The following PHLPP1 variants were observed in gnomAD, a reference collection of about 807,000 sequenced individuals.
PHLPP1 encodes the protein PH domain and leucine rich repeat protein phosphatase 1.
A neutral mutation model predicts 117.2 loss-of-function variants in PHLPP1; 42 were observed. The observed-to-expected ratio is 0.36, with a 90% confidence interval of 0.28 to 0.46. The LOEUF is 0.46. PHLPP1 is among the 20% of genes least tolerant of loss of function. The pLI is 1.00. For missense variants in PHLPP1, 2,084 were observed against 2,241.9 expected, an observed-to-expected ratio of 0.93 and a Z score of 1.42; for synonymous variants, 1,042 against 970.7, an observed-to-expected ratio of 1.07 and a Z score of -1.37.
At chr18:62,918,690 G>A (rs1233851331) in intron 9 of PHLPP1, among the ~76,000 whole-genome samples, 1 of 152,072 alleles carries the variant, frequency 6.6e-6, no homozygotes, top group Non-Finnish European at 1.5e-5. Context: ...ATTCCCTAAT[G>A]TTATGGAGAT....
intron 1 of PHLPP1, among the ~76,000 whole-genome samples, chr18:62,823,060 A>G (rs1054700959): frequency 6.6e-6 from 1 of 152,236 alleles, no homozygotes; most frequent in Non-Finnish European, 1.5e-5. Context: ...TGTAAGAATT[A>G]GAACTATAAA....
chr18:62,801,926 C>G (rs1376974014), intron 1 of PHLPP1, among the ~76,000 whole-genome samples: 3 of 152,174 alleles, frequency 2.0e-5, no homozygotes, highest in Non-Finnish European at 2.9e-5. Flanking sequence ...CTCCTAGTCT[C>G]TAGGAACACA....
chr18:62,958,775 A>T lies in PHLPP1; in HGVS notation c.3455+16A>T, dbSNP rs751628369. The stretch of plus-strand genomic sequence containing the variant: ...AACTACTGAAGTAAGTATTCTGTAA[A>T]GCACTGTATCCCCATCATTGTCCAC... On this transcript the variant is annotated intron_variant, in intron 13 of 16. Transcript: ENST00000262719. 2.5e-6 allele frequency: 4 copies of T among 1,613,756 alleles called. No homozygotes were observed. The South Asian group carries it at 4.4e-5, about 18-fold the overall frequency.
chr18:62,952,015 TTGC>T (rs1910475613), intron 12 of PHLPP1, among the ~76,000 whole-genome samples: 1 of 151,974 alleles, frequency 6.6e-6, no homozygotes, highest in South Asian at 2.1e-4. Context: ...AGACGGGGTT[TTGC>T]CATGTTAGCC....
At chr18:62,855,245 C>G (rs922251005) in intron 3 of PHLPP1, among the ~76,000 whole-genome samples, 3 of 152,104 alleles carry the variant, frequency 2.0e-5, no homozygotes, top group African/African-American at 7.2e-5. Flanking sequence ...CTGAGGTGTG[C>G]ACATGTGGTT....
chr18:62,949,224 G>C (rs1212419059), intron 12 of PHLPP1, among the ~76,000 whole-genome samples: 1 of 152,198 alleles, frequency 6.6e-6, no homozygotes, highest in Non-Finnish European at 1.5e-5. Flanking sequence ...TAACTAGCTA[G>C]TTTCACCAAG....
intron 6 of PHLPP1, among the ~76,000 whole-genome samples, chr18:62,898,096 G>A (rs887505430): frequency 1.8e-5 from 2 of 113,764 alleles, no homozygotes; most frequent in Non-Finnish European, 4.3e-5. Context: ...TTCTGCCTTG[G>A]GGGTTGCATA....
chr18:62,894,938 T>A, intron 4 of PHLPP1, 73 bp from the exon 5 acceptor site: 2 of 1,305,402 alleles, frequency 1.5e-6, no homozygotes, highest in Non-Finnish European at 2.1e-6. Flanking sequence ...GATTATCTCT[T>A]AGGCTATGCT....
Position 62,978,907 on chromosome 18 carries a change from G to C in PHLPP1, c.4630G>C (p.Gly1544Arg), listed in dbSNP as rs778609732. ...ATFSSAFSDN[G>R]LDSDDEEPIE... ...GTTCTCTAGCGCCTTCTCCGACAAC[G>C]GCCTTGACAGTGACGATGAGGAGCC... The change falls in exon 17 of 17, where the codon GGC (glycine) becomes CGC (arginine). Residue 1544 changes from glycine to arginine, a missense_variant. This residue lies in a region of PHLPP1 where 1,365 missense variants were observed against 1,605.9 expected (regional missense o/e 0.85). Transcript: ENST00000262719. The surrounding 1 kb of genome is among the most constrained non-coding windows in gnomAD (Gnocchi z 7.0). The C allele has an allele frequency of 6.2e-7, 1 of 1,607,704 alleles. No individual in the cohort carries two copies. The highest frequency in any genetic ancestry group is 1.1e-5 in the South Asian group (1 of 89,874).
intron 1 of PHLPP1, among the ~76,000 whole-genome samples, chr18:62,770,160 G>A (rs534774279): frequency 6.6e-6 from 1 of 151,916 alleles, no homozygotes; most frequent in South Asian, 2.1e-4. Context: ...ACCCAGGCTG[G>A]AGTGCACTGG....
At chr18:62,837,192 A>G (rs1914929652) in intron 2 of PHLPP1, among the ~76,000 whole-genome samples, 2 of 152,106 alleles carry the variant, frequency 1.3e-5, no homozygotes, top group Non-Finnish European at 2.9e-5. Flanking sequence ...AGGTTTTGCC[A>G]TGTTGCACAG....
chr18:62,733,490 T>G lies in PHLPP1; in HGVS notation c.1576+16231T>G, dbSNP rs188628845. ...TATTGTGATATTCGCCCTATAACAGTGGTCTGGAACTGAACCTGCAGTATT... is the reference window on the plus strand; with the variant it reads ...TATTGTGATATTCGCCCTATAACAGGGGTCTGGAACTGAACCTGCAGTATT... On this transcript the variant is annotated intron_variant, in intron 1 of 16. Transcript: ENST00000262719. 5.9e-5 allele frequency among the ~76,000 whole-genome samples: 9 copies of G among 152,338 alleles called. No homozygotes were observed. The East Asian group carries it at 1.5e-3, about 26-fold the overall frequency.
At chr18:62,881,542 G>C (rs2144384594) in intron 4 of PHLPP1, among the ~76,000 whole-genome samples, 1 of 152,220 alleles carries the variant, frequency 6.6e-6, no homozygotes, top group South Asian at 2.1e-4. Flanking sequence ...TATATGAAAA[G>C]GTGATATGTT....
At chr18:62,819,606 A>C (rs1298994277) in intron 1 of PHLPP1, among the ~76,000 whole-genome samples, 1 of 152,196 alleles carries the variant, frequency 6.6e-6, no homozygotes, top group African/African-American at 2.4e-5. Flanking sequence ...TCAGATTTAA[A>C]AAAAGAGGTA....
chr18:62,920,662 C>T (rs560041337), intron 10 of PHLPP1, among the ~76,000 whole-genome samples: 1 of 152,182 alleles, frequency 6.6e-6, no homozygotes, highest in East Asian at 1.9e-4. Context: ...CAGGTTCAAG[C>T]GATTCTCCTG....
chr18:62,972,765 A>G, intron 15 of PHLPP1, 57 bp downstream of exon 15: 2 of 1,328,394 alleles, frequency 1.5e-6, no homozygotes, highest in Non-Finnish European at 1.1e-6. Flanking sequence ...TTGAGTGTTT[A>G]TCCTCTGTTT....
At chr18:62,895,245 G>T (rs1916526757) in intron 5 of PHLPP1, 88 bp downstream of exon 5, 2 of 1,347,434 alleles carry the variant, frequency 1.5e-6, no homozygotes, top group Non-Finnish European at 2.1e-6. Flanking sequence ...TAGTTAACTT[G>T]TTATGTTGCT....
chr18:62,972,234 A>G (rs901782316), intron 14 of PHLPP1, among the ~76,000 whole-genome samples: 1 of 152,106 alleles, frequency 6.6e-6, no homozygotes, highest in Non-Finnish European at 1.5e-5. Context: ...CTTATTTCCC[A>G]TGCCTCTTTT....
intron 9 of PHLPP1, among the ~76,000 whole-genome samples, chr18:62,915,261 T>G (rs926039276): frequency 2.6e-5 from 4 of 152,234 alleles, no homozygotes; most frequent in African/African-American, 7.2e-5. Flanking sequence ...TGGAAATTTT[T>G]AAGTAAGCCA....
Sources: gnomAD v4.1 joint callset for allele counts (sites outside exome capture counted in the v4.1 genomes callset) on GRCh38, gnomAD v4.1.1 for gene constraint, gnomAD v4.1.1 regional missense constraint, Gnocchi (gnomAD v3.1) non-coding constraint, MANE v1.5 for transcripts, NCBI Gene and HGNC (gene_info 2026-07-23, HGNC 2026-07-21) for gene names.